BTBD9: variants seen among roughly 807,000 people sequenced by gnomAD.
BTBD9 encodes the protein BTB domain containing 9.
In BTBD9, 49 loss-of-function variants were observed where a neutral mutation model predicts 64.3. The observed-to-expected ratio is 0.76, with a 90% CI of 0.61 to 0.97. The LOEUF is 0.97. BTBD9 is among the 50% of genes least tolerant of loss of function. BTBD9 has a pLI of 0.00. For missense variants in BTBD9, 598 were observed against 762.1 expected (o/e 0.78, Z 2.53); for synonymous variants, 260 against 274.7 (o/e 0.95, Z 0.53).
At chr6:38,426,394 G>A (rs1476875529) in intron 6 of BTBD9, among the ~76,000 whole-genome samples, 5 of 151,940 alleles carry the variant, frequency 3.3e-5, no homozygotes, top group African/African-American at 1.2e-4. Flanking sequence ...AGCGGGCAAC[G>A]GCAACCCCCT....
chr6:38,331,903 G>A (rs1336519045), intron 7 of BTBD9, among the ~76,000 whole-genome samples: 1 of 152,114 alleles, frequency 6.6e-6, no homozygotes, highest in Admixed American at 6.5e-5. Flanking sequence ...CTTCTGTATT[G>A]TTTGATTTTT....
intron 6 of BTBD9, among the ~76,000 whole-genome samples, chr6:38,479,352 G>GA (rs1771028025): frequency 6.6e-6 from 1 of 150,588 alleles, no homozygotes; most frequent in South Asian, 2.1e-4. Context: ...GTGTAGATGG[G>GA]AAAAAATTGA....
intron 6 of BTBD9, among the ~76,000 whole-genome samples, chr6:38,384,790 T>A (rs1195547503): frequency 6.6e-6 from 1 of 152,166 alleles, no homozygotes; most frequent in Non-Finnish European, 1.5e-5. Context: ...TTTTGTCTCA[T>A]CCTGTATGTC....
intron 6 of BTBD9, among the ~76,000 whole-genome samples, chr6:38,462,177 A>C (rs1299654717): frequency 1.3e-5 from 2 of 151,982 alleles, no homozygotes; most frequent in Non-Finnish European, 2.9e-5. Context: ...CAGTTTTTCA[A>C]TTTTTTTCTT....
chr6:38,263,924 G>A (rs928906234), intron 8 of BTBD9, among the ~76,000 whole-genome samples: 1 of 152,228 alleles, frequency 6.6e-6, no homozygotes, highest in African/African-American at 2.4e-5. Flanking sequence ...TACGCAATAA[G>A]AGTAGATGTT....
intron 8 of BTBD9, among the ~76,000 whole-genome samples, chr6:38,278,271 TTTG>T (rs758712930): frequency 4.1e-4 from 62 of 152,228 alleles, no homozygotes; most frequent in Non-Finnish European, 5.1e-4. Context: ...CTGTGGACTT[TTTG>T]TTATGTGACA....
chr6:38,521,350 G>A (rs890219268), intron 6 of BTBD9, among the ~76,000 whole-genome samples: 3 of 152,172 alleles, frequency 2.0e-5, no homozygotes, highest in African/African-American at 7.2e-5. Flanking sequence ...AAGCACAGGA[G>A]ATGTTAACCA....
intron 6 of BTBD9, among the ~76,000 whole-genome samples, chr6:38,486,961 AT>A (rs1771460910): frequency 6.6e-6 from 1 of 152,230 alleles, no homozygotes; most frequent in Admixed American, 6.5e-5. Context: ...CTGGGACTGA[AT>A]TCGGTCCATT....
At chr6:38,509,025 A>G (rs1772664161) in intron 6 of BTBD9, among the ~76,000 whole-genome samples, 1 of 152,114 alleles carries the variant, frequency 6.6e-6, no homozygotes, top group Admixed American at 6.6e-5. Context: ...CAGGACAGGG[A>G]CTCTAGCATC....
rs74761247 is a variant in BTBD9, at chr6:38,444,520, C to A, written c.1155-99427G>T. Among the ~76,000 whole-genome samples, 1,111 of 152,218 alleles carry A rather than the reference C, an allele frequency of 7.3e-3. 9 individuals are homozygous for A. The highest frequency in any genetic ancestry group is 0.025 in the African/African-American group (1,051 of 41,526). ...GTTGTTGTGAAAAAATGTAAAGTAT[C>A]CTACGGCCTAGTGATTACGAGCTTG... On this transcript the variant is annotated intron_variant, in intron 6 of 10. Transcript: ENST00000481247.
Position 38,592,677 on chromosome 6 carries a change from A to G in BTBD9, c.713T>C (p.Val238Ala), listed in dbSNP as rs1776853419. Residue 238 changes from valine (V) to alanine (A), a missense_variant, in exon 4 of 11, where the codon GTT (valine) becomes GCT (alanine). Physicochemically the swap from Val to Ala is moderately conservative, Grantham distance 64 (BLOSUM62 0). Transcript: ENST00000481247. ...AGACAGCAGTCCTGAAGGCCTCACAACATTCAGAAGCTCTGTGAGGCTCAT... is the reference window on the plus strand; with the variant it reads ...AGACAGCAGTCCTGAAGGCCTCACAGCATTCAGAAGCTCTGTGAGGCTCAT... ...PLMSLTELLN[V>A]VRPSGLLSPD... is the part of the protein sequence containing the mutation. The G allele has an allele frequency of 6.2e-7, 1 of 1,614,044 alleles. No individual in the cohort carries two copies. The highest frequency in any genetic ancestry group is 1.3e-5 in the African/African-American group (1 of 74,930).
At chr6:38,526,273 G>A (rs1773485512) in intron 6 of BTBD9, among the ~76,000 whole-genome samples, 2 of 152,222 alleles carry the variant, frequency 1.3e-5, no homozygotes, top group African/African-American at 4.8e-5. Context: ...TCCAAACACT[G>A]GCGGCTTCTA....
At chr6:38,211,688 G>A (rs921772357) in intron 9 of BTBD9, among the ~76,000 whole-genome samples, 2 of 152,010 alleles carry the variant, frequency 1.3e-5, no homozygotes, top group African/African-American at 4.8e-5. Context: ...AGGTTGCAGT[G>A]AGCTGAGATT....
chr6:38,272,967 T>TCTCACAAGGTTCC (rs774433941), intron 8 of BTBD9, among the ~76,000 whole-genome samples: 5 of 152,176 alleles, frequency 3.3e-5, no homozygotes, highest in Non-Finnish European at 7.3e-5. Context: ...AACCAACCCT[T>TCTCACAAGGTTCC]CTCACAAGGT....
At chr6:38,254,222 C>T (rs1260471960) in intron 9 of BTBD9, among the ~76,000 whole-genome samples, 2 of 151,694 alleles carry the variant, frequency 1.3e-5, no homozygotes, top group African/African-American at 4.9e-5. Context: ...ACTAGGAACA[C>T]ACACACTGAC....
chr6:38,302,711 G>A (rs1328263860), intron 7 of BTBD9, among the ~76,000 whole-genome samples: 2 of 151,612 alleles, frequency 1.3e-5, no homozygotes, highest in South Asian at 2.1e-4. Flanking sequence ...GTTTTCTGAG[G>A]AACTTCCATA....
chr6:38,587,537 A>G (rs1776589145), intron 4 of BTBD9: 2 of 571,020 alleles, frequency 3.5e-6, no homozygotes, highest in Admixed American at 2.2e-5. Context: ...ACAATTTTTG[A>G]TAGTTCTGAT....
intron 6 of BTBD9, among the ~76,000 whole-genome samples, chr6:38,430,069 C>G (rs898618792): frequency 6.6e-6 from 1 of 151,876 alleles, no homozygotes; most frequent in Non-Finnish European, 1.5e-5. Context: ...AGACCAAACT[C>G]CTTACTGAAG....
chr6:38,212,401 G>A (rs954471584), intron 9 of BTBD9, among the ~76,000 whole-genome samples: 3 of 152,312 alleles, frequency 2.0e-5, no homozygotes, highest in East Asian at 3.9e-4. Context: ...GGAAGGTTGA[G>A]AGGGGGTGAC....
Sources: gnomAD v4.1 joint callset for allele counts (sites outside exome capture counted in the v4.1 genomes callset) on GRCh38, gnomAD v4.1.1 for gene constraint, MANE v1.5 for transcripts, NCBI Gene and HGNC (gene_info 2026-07-23, HGNC 2026-07-21) for gene names.